Variants in AAGAB observed in about 807,000 individuals in gnomAD.
AAGAB encodes the protein alpha- and gamma-adaptin-binding protein p34.
A neutral mutation model predicts 44.1 loss-of-function variants in AAGAB; 38 were observed. That is an observed-to-expected ratio of 0.86 (90% confidence interval 0.67 to 1.13). The LOEUF (loss-of-function observed/expected upper bound fraction) is 1.13. Ranked by LOEUF, AAGAB falls within the 50% of genes most tolerant of loss-of-function variation. The pLI, the probability that AAGAB is intolerant of heterozygous loss-of-function variation, is 0.00. For synonymous variants in AAGAB, 131 were observed against 131.8 expected, an observed-to-expected ratio of 0.99 and a Z score of 0.04; for missense variants, 450 against 373.8, an observed-to-expected ratio of 1.20 and a Z score of -1.68.
At chr15:67,236,903 G>T in intron 1 of AAGAB, 83 bp from the exon 2 acceptor site, 1 of 1,100,588 alleles carries the variant, frequency 9.1e-7, no homozygotes, top group Non-Finnish European at 1.3e-6. Context: ...ACCAGATAAA[G>T]CTGGTACTTT....
At chr15:67,254,131 GTAAA>G (rs1964994699) in intron 1 of AAGAB, 3 of 164,676 alleles carry the variant, frequency 1.8e-5, no homozygotes, top group Admixed American at 1.2e-4. Context: ...AAACTTCAGA[GTAAA>G]TACGCAGAAT....
intron 1 of AAGAB, among the ~76,000 whole-genome samples, chr15:67,251,612 A>G (rs897117969): frequency 1.3e-5 from 2 of 152,190 alleles, no homozygotes; most frequent in Non-Finnish European, 2.9e-5. Flanking sequence ...ACTGGTGGTT[A>G]AAAGCACTAA....
chr15:67,216,843 T>G (rs1450194677), intron 5 of AAGAB, among the ~76,000 whole-genome samples: 2 of 152,230 alleles, frequency 1.3e-5, no homozygotes, highest in East Asian at 3.9e-4. Flanking sequence ...CTAAAAAAGT[T>G]TTTTCAAGAT....
At chr15:67,240,207 A>G (rs967816694) in intron 1 of AAGAB, among the ~76,000 whole-genome samples, 2 of 152,224 alleles carry the variant, frequency 1.3e-5, no homozygotes, top group African/African-American at 4.8e-5. Context: ...AAAACTGTCT[A>G]TGACATTCAG....
chr15:67,240,171 G>C (rs904621975), intron 1 of AAGAB, among the ~76,000 whole-genome samples: 1 of 152,164 alleles, frequency 6.6e-6, no homozygotes, highest in African/African-American at 2.4e-5. Context: ...ATTATATACG[G>C]ATCTGCAGCA....
intron 1 of AAGAB, among the ~76,000 whole-genome samples, chr15:67,242,564 G>C (rs1389853209): frequency 2.0e-5 from 3 of 151,558 alleles, no homozygotes; most frequent in Non-Finnish European, 4.4e-5. Flanking sequence ...CAAATATTTT[G>C]CAGTAGTTGT....
rs1475889105 is a variant in AAGAB, at chr15:67,202,886, A to C, written c.883T>G (p.Phe295Val). The C allele has an allele frequency of 6.2e-7, 1 of 1,614,072 alleles. No homozygotes were observed. Among genetic ancestry groups the C allele is most frequent in the East Asian group, 2.2e-5 (1 of 44,876 alleles). Reference sequence around the variant, plus strand: ...CTGTCTCCCCCGATTGCCATCCAGAATGCTTTGGCCACCTGTGGAGAGAAG... The same window carrying C: ...CTGTCTCCCCCGATTGCCATCCAGACTGCTTTGGCCACCTGTGGAGAGAAG... ...KVHAEKVAKA[F>V]WMAIGGDRDE... The change falls in exon 10 of 10, where the codon TTC becomes GTC. Residue 295 changes from phenylalanine to valine, a missense_variant. Transcript: ENST00000261880.
intron 5 of AAGAB, 87 bp from the exon 6 acceptor site, chr15:67,209,631 A>G: frequency 9.4e-7 from 1 of 1,067,256 alleles, no homozygotes; most frequent in Non-Finnish European, 1.4e-6. Context: ...AAGGCTACTT[A>G]TTTGTTACCA....
intron 5 of AAGAB, among the ~76,000 whole-genome samples, chr15:67,224,976 A>G (rs972288680): frequency 2.6e-5 from 4 of 152,248 alleles, no homozygotes; most frequent in Middle Eastern, 3.2e-3. Flanking sequence ...ATTTATTCCC[A>G]TGGATTAAAC....
intron 5 of AAGAB, among the ~76,000 whole-genome samples, chr15:67,215,813 T>C (rs1963931312): frequency 6.6e-6 from 1 of 152,254 alleles, no homozygotes; most frequent in African/African-American, 2.4e-5. Flanking sequence ...ATAAAATGTT[T>C]TTTGAAATCA....
chr15:67,248,767 C>A (rs1307589145), intron 1 of AAGAB, among the ~76,000 whole-genome samples: 1 of 152,096 alleles, frequency 6.6e-6, no homozygotes, highest in African/African-American at 2.4e-5. Context: ...CTCTCCAAGG[C>A]CTAGTTTACC....
At chr15:67,227,327 A>AT (rs958861779) in intron 5 of AAGAB, among the ~76,000 whole-genome samples, 42 of 147,444 alleles carry the variant, frequency 2.8e-4, no homozygotes, top group South Asian at 2.8e-3. Context: ...CAATACCTCT[A>AT]TTTTTTTTTT....
intron 7 of AAGAB, among the ~76,000 whole-genome samples, chr15:67,206,264 C>T (rs1963682586): frequency 6.6e-6 from 1 of 152,214 alleles, no homozygotes. Context: ...TACCTTCTCA[C>T]TGCATCCTAT....
intron 7 of AAGAB, among the ~76,000 whole-genome samples, chr15:67,208,297 G>T (rs1567014846): frequency 6.6e-6 from 1 of 152,190 alleles, no homozygotes; most frequent in African/African-American, 2.4e-5. Context: ...TTCGCCACCT[G>T]GTTCGGTCTG....
intron 5 of AAGAB, among the ~76,000 whole-genome samples, chr15:67,211,845 A>G (rs1963827624): frequency 6.6e-6 from 1 of 151,980 alleles, no homozygotes; most frequent in Admixed American, 6.6e-5. Flanking sequence ...CAGTTTATGC[A>G]TGTTATGAAA....
chr15:67,203,436 A>G, intron 9 of AAGAB, 112 bp downstream of exon 9: 1 of 907,126 alleles, frequency 1.1e-6, no homozygotes, highest in South Asian at 1.6e-5. Context: ...TTAATATTCA[A>G]TGAAAAGCTC....
At chr15:67,245,934 C>T (rs1964710846) in intron 1 of AAGAB, among the ~76,000 whole-genome samples, 1 of 152,188 alleles carries the variant, frequency 6.6e-6, no homozygotes, top group East Asian at 1.9e-4. Context: ...AATGATCAAA[C>T]ATTTTCCTGA....
intron 6 of AAGAB, 88 bp from the exon 7 acceptor site, chr15:67,208,746 T>G (rs1014862723): frequency 8.5e-7 from 1 of 1,176,574 alleles, no homozygotes; most frequent in East Asian, 2.4e-5. Context: ...CAGTCCTTGG[T>G]TGGCTTGAGA....
intron 1 of AAGAB, 56 bp downstream of exon 1, chr15:67,254,503 G>A (rs1344660248): frequency 3.9e-6 from 6 of 1,539,230 alleles, no homozygotes; most frequent in Non-Finnish European, 5.3e-6. Context: ...TGCTGGGTCC[G>A]TCGCCCGCTG....
Sources: allele counts gnomAD v4.1 joint callset (sites outside exome capture counted in the v4.1 genomes callset), GRCh38; gene constraint gnomAD v4.1.1; transcripts MANE v1.5; gene names NCBI Gene and HGNC (gene_info 2026-07-23, HGNC 2026-07-21).